The following ZNF263 variants were observed in gnomAD, a reference collection of about 807,000 sequenced individuals.
ZNF263 encodes zinc finger protein FPM315.
Under a neutral mutation model 63.1 loss-of-function variants are expected in ZNF263, and 49 were observed. The ratio of observed to expected loss-of-function variants is 0.78; its 90% CI spans 0.62 to 0.99. The LOEUF (loss-of-function observed/expected upper bound fraction) is 0.99. Among genes scored for constraint, ZNF263 ranks in the 50% least tolerant of loss-of-function variants. The pLI is 0.00. For missense variants in ZNF263, 872 were observed against 854.8 expected, an observed-to-expected ratio of 1.02 and a Z score of -0.25; for synonymous variants, 352 against 324.2, an observed-to-expected ratio of 1.09 and a Z score of -0.92.
Position 3,289,382 on chromosome 16 carries a change from C to G in ZNF263, c.887-11C>G, listed in dbSNP as rs1377718448. 6.6e-7 allele frequency: 1 copy of G among 1,509,026 alleles called. No individual in the cohort carries two copies. Among genetic ancestry groups the G allele is most frequent in the Non-Finnish European group, 8.9e-7 (1 of 1,129,816 alleles). 93.5% of individuals were successfully genotyped at this position (1,509,026 alleles called of 1,614,324 possible). The stretch of plus-strand genomic sequence containing the variant: ...AATAATGTACGGGTTTGGTTTCTCT[C>G]TCTCTACCAGGAGAAGAGAAATTTG... On this transcript the variant is annotated splice_polypyrimidine_tract_variant and intron_variant, in intron 5 of 5. Coordinates refer to ENST00000219069, the MANE Select transcript of ZNF263 (RefSeq NM_005741.5).
chr16:3,290,286 C>T lies in ZNF263; in HGVS notation c.1780C>T (p.Gln594Ter). ...GCAGGGCATGCACCTCACCAGACAT[C>T]AGAGAACACACACAGGAGAGAAACC... ...FRQGMHLTRHQRTHTGEKPYK... is the reference protein window; with the variant it reads ...FRQGMHLTRH Residue 594 changes from glutamine (Q) to a stop codon, truncating the protein, a stop_gained, in exon 6 of 6, where the codon CAG becomes TAG. Coordinates refer to ENST00000219069, the MANE Select transcript of ZNF263 (RefSeq NM_005741.5). LOFTEE classifies it high-confidence loss of function. 6.2e-7 allele frequency: 1 copy of T among 1,614,096 alleles called. No homozygotes were observed. Among genetic ancestry groups the T allele is most frequent in the South Asian group, 1.1e-5 (1 of 91,068 alleles).
intron 1 of ZNF263, chr16:3,299,102 T>G: frequency 6.9e-7 from 1 of 1,442,614 alleles, no homozygotes; most frequent in South Asian, 1.7e-5. Flanking sequence ...TGCATCTCTT[T>G]CAGTGTGAAG....
Position 3,283,744 on chromosome 16 carries a change from A to T in ZNF263, c.-75A>T. ...CCCGGGCTCCTGCTGGCGCCGTCCA[A>T]CCTTACATGGGTTCAGGGCGCCTTC... On this transcript the variant is annotated 5_prime_UTR_variant, in exon 1 of 6. Transcript: ENST00000219069. 1 of 1,450,794 alleles carries T rather than the reference A, an allele frequency of 6.9e-7. No homozygotes were observed. 89.9% of individuals were successfully genotyped at this position (1,450,794 alleles called of 1,614,324 possible). A position where few individuals can be genotyped will look rare whatever the true frequency, so the allele number is the denominator to read the frequency against.
chr16:3,290,180 C>T lies in ZNF263; in HGVS notation c.1674C>T (p.Ser558=). 1.2e-6 allele frequency: 2 copies of T among 1,614,130 alleles called. No homozygotes were observed. Among genetic ancestry groups the T allele is most frequent in the Non-Finnish European group, 1.7e-6 (2 of 1,180,018 alleles). The change falls in exon 6 of 6, where the codon AGC becomes AGT. Residue 558 remains serine, a synonymous_variant. Coordinates refer to ENST00000219069, the MANE Select transcript of ZNF263 (RefSeq NM_005741.5). ...AGTGTGGGGAAGCTGTGAGTGACAG[C>T]ACCCCCTTTCTTACAAACCATGGAG... ...FSECGEAVSD[S]TPFLTNHGAH... is the part of the protein sequence containing the mutation.
intron 1 of ZNF263, among the ~76,000 whole-genome samples, chr16:3,297,238 G>C (rs974083497): frequency 2.7e-5 from 4 of 147,670 alleles, no homozygotes; most frequent in Non-Finnish European, 5.9e-5. Context: ...AGGTTGCAGC[G>C]AGCCAAGATC....
rs895157870 is a variant in ZNF263 at position 3,290,523 on chromosome 16, C to T, written c.2017C>T (p.Arg673Cys). ...ECGESFSRSS[R>C]LMSHQRTHTG is the part of the protein sequence containing the mutation. ...TGGAGAAAGCTTCTCTCGGAGTTCC[C>T]GTCTTATGAGTCATCAGAGAACTCA... Residue 673 changes from arginine to cysteine, a missense_variant, in exon 6 of 6, where the codon CGT (arginine) becomes TGT (cysteine). Transcript: ENST00000219069. The T allele has an allele frequency of 9.3e-6, 15 of 1,613,282 alleles. No individual in the cohort carries two copies. The highest frequency in any genetic ancestry group is 1.7e-4 in the Middle Eastern group (1 of 6,060).
At chr16:3,291,537 G>T (rs756180623), downstream of ZNF263, 97 of 974,790 alleles carry the variant, frequency 1.0e-4, no homozygotes, top group Non-Finnish European at 1.2e-4. Flanking sequence ...TTGGTCAGAG[G>T]CCCTGCTTTC....
chr16:3,300,675 G>T, intron 2 of ZNF263: 1 of 1,508,848 alleles, frequency 6.6e-7, no homozygotes, highest in Non-Finnish European at 8.8e-7. Context: ...TAATGAATTG[G>T]CAAAAAAAAA....
At chr16:3,287,450 G>T (rs1446980312) in intron 4 of ZNF263, among the ~76,000 whole-genome samples, 1 of 114,988 alleles carries the variant, frequency 8.7e-6, no homozygotes, top group South Asian at 3.0e-4. Context: ...TCACTCTGTT[G>T]CCCAGGCTGC....
chr16:3,284,077 G>C lies in ZNF263; in HGVS notation c.259G>C (p.Glu87Gln), dbSNP rs1422789013. 1 of 1,613,726 alleles carries C rather than the reference G, an allele frequency of 6.2e-7. No individual in the cohort carries two copies. The highest frequency in any genetic ancestry group is 8.5e-7 in the Non-Finnish European group (1 of 1,179,760). Reference protein sequence around the residue: ...KEQILELLVLEQFLTILPQEI... With the variant: ...KEQILELLVLQQFLTILPQEI... ...GCAGATCTTGGAGCTGCTGGTGTTA[G>C]AGCAGTTCCTGACCATCCTGCCCCA... The change falls in exon 1 of 6, where the codon GAG (glutamate) becomes CAG (glutamine). Residue 87 changes from glutamate to glutamine, a missense_variant. Coordinates refer to ENST00000219069, the MANE Select transcript of ZNF263 (RefSeq NM_005741.5).
intron 1 of ZNF263, 47 bp from the exon 2 acceptor site, chr16:3,285,012 C>A: frequency 6.2e-7 from 1 of 1,602,490 alleles, no homozygotes; most frequent in Non-Finnish European, 8.5e-7. Context: ...AATTTCCCTT[C>A]CTCTTGGGCC....
At position 3,298,937 on chromosome 16, in the gene ZNF263, T is replaced by C. The variant is rs747069192; in HGVS notation, c.152-169T>C. On this transcript the variant is annotated intron_variant, in intron 1 of 2. Transcript: ENST00000574674. The stretch of plus-strand genomic sequence containing the variant: ...CAATTCACAGCTGGCCTACATCATA[T>C]AATGGCAGAAATCTTTAAACACAAA... The C allele has an allele frequency of 2.9e-6, 3 of 1,027,400 alleles. No homozygotes were observed. In the Admixed American group the frequency reaches 9.2e-5, roughly 32 times the overall value. 63.6% of individuals were successfully genotyped at this position (1,027,400 alleles called of 1,614,324 possible). A position where few individuals can be genotyped will look rare whatever the true frequency, so the allele number is the denominator to read the frequency against.
chr16:3,286,227 A>G, intron 4 of ZNF263, 78 bp downstream of exon 4: 1 of 1,501,612 alleles, frequency 6.7e-7, no homozygotes, highest in South Asian at 1.4e-5. Context: ...CACCTCCTGG[A>G]CACAGACTCT....
chr16:3,300,363 G>A (rs1454881485), intron 2 of ZNF263: 1 of 1,614,192 alleles, frequency 6.2e-7, no homozygotes, highest in Non-Finnish European at 8.5e-7. Context: ...ACCACATGTA[G>A]ACCGCATCAT....
In ZNF263 at chr16:3,286,093, A is replaced by G. The variant is rs771166497; in HGVS notation, c.713A>G (p.Lys238Arg). The G allele has an allele frequency of 2.5e-6, 4 of 1,611,834 alleles. No individual in the cohort carries two copies. The highest frequency in any genetic ancestry group is 3.4e-6 in the Non-Finnish European group (4 of 1,179,286). The change falls in exon 4 of 6, where the codon AAG becomes AGG. Residue 238 changes from lysine (K) to arginine (R), a missense_variant. Transcript: ENST00000219069. ...QEEWGHQDPS[K>R]RALSRDTVQE... ...GAGTGGGGGCATCAGGATCCTAGTAAGAGGGCCCTCTCCAGGGACACGGTG... is the reference window on the plus strand; with the variant it reads ...GAGTGGGGGCATCAGGATCCTAGTAGGAGGGCCCTCTCCAGGGACACGGTG...
At chr16:3,295,382 C>G (rs750293201), downstream of ZNF263, among the ~76,000 whole-genome samples, 29 of 152,250 alleles carry the variant, frequency 1.9e-4, no homozygotes, top group Non-Finnish European at 4.1e-4. Flanking sequence ...GCCCAAGTCA[C>G]CGCCCCTCCC....
chr16:3,289,685 A>G lies in ZNF263; in HGVS notation c.1179A>G (p.Leu393=), dbSNP rs2150774044. 6.2e-7 allele frequency: 1 copy of G among 1,614,198 alleles called. No individual in the cohort carries two copies. The highest frequency in any genetic ancestry group is 8.5e-7 in the Non-Finnish European group (1 of 1,180,024). The change falls in exon 6 of 6, where the codon CTA becomes CTG. Residue 393 remains leucine (L), a synonymous_variant. Coordinates refer to ENST00000219069, the MANE Select transcript of ZNF263 (RefSeq NM_005741.5). ...CGKNFSNNSN[L]IRHQRIHAAE... ...AAAATTTCTCTAACAACTCAAACCTAATTAGGCACCAGAGAATACATGCAG... is the reference window on the plus strand; with the variant it reads ...AAAATTTCTCTAACAACTCAAACCTGATTAGGCACCAGAGAATACATGCAG...
rs774076641 is a variant in ZNF263 at position 3,290,035 on chromosome 16, G to C, written c.1529G>C (p.Arg510Thr). Residue 510 changes from arginine (R) to threonine (T), a missense_variant, in exon 6 of 6, where the codon AGA becomes ACA. Transcript: ENST00000219069. Reference sequence around the variant, plus strand: ...AGTTCCAACCTCCTTCGGCACCAGAGAATTCACACTGGAGAGCGACCTTAT... The same window carrying C: ...AGTTCCAACCTCCTTCGGCACCAGACAATTCACACTGGAGAGCGACCTTAT... ...AHSSNLLRHQRIHTGERPYKC... is the reference protein window; with the variant it reads ...AHSSNLLRHQTIHTGERPYKC... The C allele has an allele frequency of 6.2e-7, 1 of 1,614,104 alleles. No homozygotes were observed. The highest frequency in any genetic ancestry group is 1.3e-5 in the African/African-American group (1 of 74,948).
At chr16:3,294,923 C>G (rs1355365653), downstream of ZNF263, among the ~76,000 whole-genome samples, 2 of 152,156 alleles carry the variant, frequency 1.3e-5, no homozygotes, top group African/African-American at 4.8e-5. Flanking sequence ...TTTTGGACAT[C>G]ATGAGGAATT....
Sources: allele counts gnomAD v4.1 joint callset (sites outside exome capture counted in the v4.1 genomes callset), GRCh38; gene constraint gnomAD v4.1.1; transcripts MANE v1.5; gene names NCBI Gene and HGNC (gene_info 2026-07-23, HGNC 2026-07-21).